OPCML: variants seen among roughly 807,000 people sequenced by gnomAD.
The protein encoded by OPCML is opioid-binding protein/cell adhesion molecule.
Under a neutral mutation model 37.8 loss-of-function variants are expected in OPCML, and 13 were observed. That is an observed-to-expected ratio of 0.34 (90% CI 0.22 to 0.55). The LOEUF (loss-of-function observed/expected upper bound fraction) is 0.55. OPCML is among the 20% of genes least tolerant of loss of function. The probability of loss-of-function intolerance (pLI) is 0.91; values close to 1 mark genes in which losing one functional copy is unlikely to be tolerated. For missense variants in OPCML, 341 were observed against 435.6 expected (o/e 0.78, Z 1.93); for synonymous variants, 176 against 168.8 (o/e 1.04, Z -0.33).
chr11:133,228,130 G>T (rs1284086685), intron 1 of OPCML, among the ~76,000 whole-genome samples: 2 of 152,148 alleles, frequency 1.3e-5, no homozygotes, highest in African/African-American at 4.8e-5. Flanking sequence ...AATAATTGCG[G>T]CCAGAGACTG....
intron 7 of OPCML, chr11:132,435,242 A>G: frequency 5.4e-6 from 7 of 1,289,702 alleles, no homozygotes; most frequent in Non-Finnish European, 7.1e-6. Context: ...AAAGACATAG[A>G]TCACACATTT....
chr11:132,591,577 C>T (rs1591596129), intron 3 of OPCML, among the ~76,000 whole-genome samples: 1 of 152,156 alleles, frequency 6.6e-6, no homozygotes, highest in African/African-American at 2.4e-5. Context: ...TTTTAATCCT[C>T]CACTGTGCTG....
chr11:132,714,804 G>A (rs570307502), intron 2 of OPCML, among the ~76,000 whole-genome samples: 1 of 152,246 alleles, frequency 6.6e-6, no homozygotes, highest in South Asian at 2.1e-4. Context: ...ATCCCCAAGG[G>A]GAGCTTTGAT....
chr11:133,358,222 T>C (rs1944335298), intron 1 of OPCML, among the ~76,000 whole-genome samples: 1 of 152,234 alleles, frequency 6.6e-6, no homozygotes, highest in Non-Finnish European at 1.5e-5. Context: ...GTTTTCCAGA[T>C]CTCTTTATTG....
At chr11:132,798,261 G>T (rs188264961) in intron 2 of OPCML, among the ~76,000 whole-genome samples, 3 of 151,956 alleles carry the variant, frequency 2.0e-5, no homozygotes, top group Admixed American at 1.3e-4. Context: ...GGTAGAGATG[G>T]GGTTTTACCA....
intron 1 of OPCML, among the ~76,000 whole-genome samples, chr11:133,209,334 T>C (rs954692139): frequency 2.6e-5 from 4 of 152,248 alleles, no homozygotes; most frequent in African/African-American, 9.6e-5. Flanking sequence ...AAGTTTTCAG[T>C]ATTGAGAGGT....
At chr11:132,729,463 C>T (rs1945002397) in intron 2 of OPCML, among the ~76,000 whole-genome samples, 1 of 152,212 alleles carries the variant, frequency 6.6e-6, no homozygotes, top group Admixed American at 6.5e-5. Flanking sequence ...GCATAAGTCA[C>T]ACCTGTGTCA....
intron 3 of OPCML, among the ~76,000 whole-genome samples, chr11:132,631,189 T>C (rs1480764701): frequency 3.3e-5 from 5 of 151,878 alleles, no homozygotes; most frequent in Admixed American, 3.3e-4. Flanking sequence ...AGGAAAGTTA[T>C]GAGAGAACTT....
chr11:132,951,500 G>A (rs575136000), intron 1 of OPCML, among the ~76,000 whole-genome samples: 2 of 152,312 alleles, frequency 1.3e-5, no homozygotes, highest in South Asian at 4.1e-4. Flanking sequence ...CTATCTCTAA[G>A]TAGAGTCACA....
chr11:132,628,364 AC>A (rs1406999056), intron 3 of OPCML, among the ~76,000 whole-genome samples: 3 of 152,198 alleles, frequency 2.0e-5, no homozygotes, highest in East Asian at 1.9e-4. Context: ...TTTACTGGCA[AC>A]AAAAAAAATT....
chr11:132,921,805 T>C (rs999342972), intron 2 of OPCML, among the ~76,000 whole-genome samples: 22 of 152,206 alleles, frequency 1.4e-4, no homozygotes, highest in Admixed American at 1.4e-3. Flanking sequence ...GTCAGCACTT[T>C]AGCTGATGGA....
chr11:133,528,510 A>G (rs1281342271), intron 1 of OPCML, among the ~76,000 whole-genome samples: 3 of 152,234 alleles, frequency 2.0e-5, no homozygotes, highest in Non-Finnish European at 4.4e-5. Flanking sequence ...GCTAAGGAGC[A>G]GGAAAGGAAT....
intron 1 of OPCML, among the ~76,000 whole-genome samples, chr11:133,140,639 G>GGAGGAA (rs202178146): frequency 1.4e-5 from 2 of 145,892 alleles, no homozygotes; most frequent in Non-Finnish European, 1.5e-5. Context: ...AGGAGGAAGA[G>GGAGGAA]GAGGAAGAGG....
intron 4 of OPCML, among the ~76,000 whole-genome samples, chr11:132,497,968 T>G (rs552986886): frequency 3.3e-5 from 5 of 152,314 alleles, no homozygotes; most frequent in Admixed American, 3.3e-4. Flanking sequence ...CTTCAAAAAC[T>G]TTCAAAATAT....
intron 1 of OPCML, among the ~76,000 whole-genome samples, chr11:133,465,264 G>A (rs1050442201): frequency 6.6e-6 from 1 of 152,072 alleles, no homozygotes; most frequent in Admixed American, 6.6e-5. Context: ...GGTCCTCCTG[G>A]TGACTCTGAC....
intron 1 of OPCML, among the ~76,000 whole-genome samples, chr11:133,151,195 C>A (rs1486148977): frequency 1.3e-5 from 2 of 152,026 alleles, no homozygotes; most frequent in Non-Finnish European, 2.9e-5. Context: ...ATCACTTGAA[C>A]CCGGGAGGCG....
chr11:132,574,996 T>C (rs2096447031), intron 3 of OPCML, among the ~76,000 whole-genome samples: 1 of 152,056 alleles, frequency 6.6e-6, no homozygotes, highest in South Asian at 2.1e-4. Flanking sequence ...CCTCTAATCA[T>C]TATGCAAGGT....
At chr11:133,464,465 G>A (rs1287763834) in intron 1 of OPCML, among the ~76,000 whole-genome samples, 1 of 152,174 alleles carries the variant, frequency 6.6e-6, no homozygotes, top group Non-Finnish European at 1.5e-5. Context: ...GCGCTCTGGG[G>A]CCATGTGGCA....
At chr11:132,459,694 C>T (rs148900946) in intron 4 of OPCML, among the ~76,000 whole-genome samples, 7 of 151,382 alleles carry the variant, frequency 4.6e-5, no homozygotes, top group South Asian at 2.1e-4. Context: ...TTATTCACTG[C>T]GATATGCATA....
Sources: allele counts gnomAD v4.1 joint callset (sites outside exome capture counted in the v4.1 genomes callset), GRCh38; gene constraint gnomAD v4.1.1; transcripts MANE v1.5; gene names NCBI Gene and HGNC (gene_info 2026-07-23, HGNC 2026-07-21).